LRRTM3: variants seen among roughly 807,000 people sequenced by gnomAD.
LRRTM3 encodes the protein leucine-rich repeat transmembrane neuronal protein 3.
A neutral mutation model predicts 44.7 loss-of-function variants in LRRTM3; 24 were observed. The observed-to-expected ratio is 0.54, with a 90% CI of 0.39 to 0.76. The LOEUF (loss-of-function observed/expected upper bound fraction) is 0.76, where lower values mean the gene tolerates loss of function less well. Among genes scored for constraint, LRRTM3 ranks in the 30% least tolerant of loss-of-function variants. The pLI is 0.00. For missense variants in LRRTM3, 587 were observed against 702.2 expected (o/e 0.84, Z 1.85); for synonymous variants, 277 against 278.7 (o/e 0.99, Z 0.06).
intron 2 of LRRTM3, among the ~76,000 whole-genome samples, chr10:67,047,040 G>A (rs17280088): frequency 0.055 from 8,357 of 152,248 alleles, 332 homozygotes; most frequent in South Asian, 0.19. Flanking sequence ...GGGTCCAGGA[G>A]CACTGCCTGT....
chr10:67,008,486 G>A (rs1207626674), intron 2 of LRRTM3, among the ~76,000 whole-genome samples: 1 of 151,982 alleles, frequency 6.6e-6, no homozygotes, highest in East Asian at 1.9e-4. Context: ...GTTTTTACAG[G>A]GTGGCTATTC....
At chr10:66,944,926 A>G (rs1044224998) in intron 2 of LRRTM3, among the ~76,000 whole-genome samples, 2 of 152,148 alleles carry the variant, frequency 1.3e-5, no homozygotes, top group Admixed American at 6.5e-5. Context: ...GAGGCTTAAA[A>G]TGTCCAGTAA....
At chr10:66,934,376 C>T (rs1202027925) in intron 2 of LRRTM3, among the ~76,000 whole-genome samples, 1 of 151,976 alleles carries the variant, frequency 6.6e-6, no homozygotes, top group African/African-American at 2.4e-5. Flanking sequence ...ATTCCTATAT[C>T]ACCAAAAAAT....
chr10:67,091,299 C>A (rs183108722), intron 2 of LRRTM3, among the ~76,000 whole-genome samples: 4 of 151,936 alleles, frequency 2.6e-5, no homozygotes, highest in African/African-American at 9.6e-5. Flanking sequence ...TAAAACATTT[C>A]TTTAAGTAAA....
intron 2 of LRRTM3, among the ~76,000 whole-genome samples, chr10:67,051,647 G>A (rs535826541): frequency 6.6e-6 from 1 of 151,948 alleles, no homozygotes; most frequent in African/African-American, 2.4e-5. Flanking sequence ...CTCATGATCT[G>A]TCCACCTCAG....
At chr10:67,097,425 T>A (rs1002606704) in intron 2 of LRRTM3, among the ~76,000 whole-genome samples, 162 bp from the exon 3 acceptor site, 1 of 151,758 alleles carries the variant, frequency 6.6e-6, no homozygotes, top group Non-Finnish European at 1.5e-5. Flanking sequence ...TCTCACCATA[T>A]AGGAATAGGG....
At chr10:67,013,864 G>C (rs927580916) in intron 2 of LRRTM3, among the ~76,000 whole-genome samples, 1 of 152,058 alleles carries the variant, frequency 6.6e-6, no homozygotes, top group Non-Finnish European at 1.5e-5. Flanking sequence ...CTCTCACAAG[G>C]ATGTAGATTG....
At chr10:67,089,002 G>A (rs1215156032) in intron 2 of LRRTM3, among the ~76,000 whole-genome samples, 2 of 152,014 alleles carry the variant, frequency 1.3e-5, no homozygotes, top group Non-Finnish European at 2.9e-5. Flanking sequence ...AATATACATT[G>A]TATTAGGTAT....
intron 2 of LRRTM3, among the ~76,000 whole-genome samples, chr10:66,980,778 G>A (rs891546167): frequency 5.9e-5 from 9 of 152,190 alleles, no homozygotes; most frequent in Non-Finnish European, 1.3e-4. Context: ...CAACCTTCAT[G>A]TACAAGAGTG....
intron 2 of LRRTM3, among the ~76,000 whole-genome samples, chr10:66,933,379 A>T (rs1319917636): frequency 6.6e-6 from 1 of 152,200 alleles, no homozygotes; most frequent in African/African-American, 2.4e-5. Flanking sequence ...ACACATTGAA[A>T]ATTCTACTTG....
At chr10:67,089,072 G>C (rs1439549134) in intron 2 of LRRTM3, among the ~76,000 whole-genome samples, 1 of 151,904 alleles carries the variant, frequency 6.6e-6, no homozygotes, top group Admixed American at 6.6e-5. Context: ...TTAAATGTAA[G>C]TACTACACAC....
intron 2 of LRRTM3, among the ~76,000 whole-genome samples, chr10:66,979,913 T>A (rs1850313021): frequency 6.6e-6 from 1 of 152,220 alleles, no homozygotes; most frequent in African/African-American, 2.4e-5. Context: ...TTTGTTGTGT[T>A]CTGCTTTGCT....
chr10:66,957,148 C>T (rs1018721067), intron 2 of LRRTM3, among the ~76,000 whole-genome samples: 1 of 151,946 alleles, frequency 6.6e-6, no homozygotes, highest in South Asian at 2.1e-4. Context: ...TATGTGAAGT[C>T]TTTAGTATAA....
chr10:66,970,925 C>T (rs1005072151), intron 2 of LRRTM3, among the ~76,000 whole-genome samples: 6 of 152,084 alleles, frequency 3.9e-5, no homozygotes, highest in Non-Finnish European at 7.4e-5. Flanking sequence ...TTCCCTCAAC[C>T]AAGTGAAATA....
chr10:66,984,539 G>A (rs1850620719), intron 2 of LRRTM3, among the ~76,000 whole-genome samples: 1 of 152,154 alleles, frequency 6.6e-6, no homozygotes, highest in African/African-American at 2.4e-5. Context: ...ACAAAGCCAT[G>A]AGGATAGATT....
chr10:67,055,192 T>C (rs1343900378), intron 2 of LRRTM3, among the ~76,000 whole-genome samples: 1 of 152,202 alleles, frequency 6.6e-6, no homozygotes, highest in African/African-American at 2.4e-5. Context: ...CATCTCAACT[T>C]TCCACATAAA....
At chr10:67,013,415 T>G (rs1314505746) in intron 2 of LRRTM3, among the ~76,000 whole-genome samples, 2 of 152,212 alleles carry the variant, frequency 1.3e-5, no homozygotes, top group Non-Finnish European at 2.9e-5. Context: ...AAACAATCAT[T>G]GTTATCATTT....
intron 2 of LRRTM3, among the ~76,000 whole-genome samples, chr10:66,990,132 T>A (rs16923897): frequency 0.11 from 16,561 of 152,222 alleles, 1,263 homozygotes; most frequent in African/African-American, 0.21. Context: ...TCAGTAGACA[T>A]CATTAAGCTG....
Position 66,928,072 on chromosome 10 carries a change from A to G in LRRTM3, c.1156A>G (p.Arg386Gly). 6.2e-6 allele frequency: 10 copies of G among 1,614,084 alleles called. No homozygotes were observed. The highest frequency in any genetic ancestry group is 8.5e-6 in the Non-Finnish European group (10 of 1,180,038). Residue 386 changes from arginine (R) to glycine (G), a missense_variant, in exon 2 of 3, where the codon AGG (arginine) becomes GGG (glycine). This residue lies in a region of LRRTM3 where 315 missense variants were observed against 335.6 expected (regional missense o/e 0.94). Transcript: ENST00000361320. ...PKPTFKPKLP[R>G]PKHESKPPLP... The stretch of plus-strand genomic sequence containing the variant: ...GCCGACGTTTAAGCCCAAGCTCCCC[A>G]GGCCGAAGCATGAGAGCAAACCCCC...
Sources: gnomAD v4.1 joint callset for allele counts (sites outside exome capture counted in the v4.1 genomes callset) on GRCh38, gnomAD v4.1.1 for gene constraint, gnomAD v4.1.1 regional missense constraint, MANE v1.5 for transcripts, NCBI Gene and HGNC (gene_info 2026-07-23, HGNC 2026-07-21) for gene names.